HMGA2: variants seen among roughly 807,000 people sequenced by gnomAD.
HMGA2 encodes high mobility group protein HMGI-C.
A neutral mutation model predicts 19.1 loss-of-function variants in HMGA2; 8 were observed. That is an observed-to-expected ratio of 0.42 (90% CI 0.25 to 0.76). The LOEUF is 0.76. Ranked by LOEUF, HMGA2 falls within the 30% of genes least tolerant of loss-of-function variation. The probability of loss-of-function intolerance (pLI) is 0.28; values close to 1 mark genes in which losing one functional copy is unlikely to be tolerated. For missense variants in HMGA2, 109 were observed against 136.3 expected (o/e 0.80, Z 1.00); for synonymous variants, 60 against 48.8 (o/e 1.23, Z -0.96).
intron 2 of HMGA2, among the ~76,000 whole-genome samples, chr12:65,836,915 G>T (rs941657511): frequency 2.6e-5 from 4 of 152,148 alleles, no homozygotes; most frequent in African/African-American, 9.7e-5. Context: ...GGTAGCAAAT[G>T]CTTGTATACT....
intron 3 of HMGA2, among the ~76,000 whole-genome samples, chr12:65,870,655 C>T (rs766417433): frequency 2.8e-4 from 43 of 152,102 alleles, no homozygotes; most frequent in Non-Finnish European, 5.3e-4. Context: ...CTTGAACCCA[C>T]GAGGTTGAGG....
chr12:65,848,029 G>A (rs1387872029), intron 3 of HMGA2, among the ~76,000 whole-genome samples: 1 of 152,088 alleles, frequency 6.6e-6, no homozygotes, highest in Non-Finnish European at 1.5e-5. Context: ...TAATAATTTT[G>A]AATTCCATCT....
chr12:65,880,219 G>A (rs537107113), intron 3 of HMGA2, among the ~76,000 whole-genome samples: 2 of 152,290 alleles, frequency 1.3e-5, no homozygotes, highest in South Asian at 2.1e-4. Flanking sequence ...CACTTTGAAA[G>A]CATTTCAGGT....
intron 3 of HMGA2, among the ~76,000 whole-genome samples, chr12:65,909,785 CAT>C (rs1874764585): frequency 6.6e-6 from 1 of 152,128 alleles, no homozygotes; most frequent in Non-Finnish European, 1.5e-5. Flanking sequence ...ATCCATTGAA[CAT>C]AGTTTTATAC....
At chr12:65,862,651 C>T (rs1387014742) in intron 3 of HMGA2, among the ~76,000 whole-genome samples, 1 of 152,126 alleles carries the variant, frequency 6.6e-6, no homozygotes, top group African/African-American at 2.4e-5. Context: ...TGGTGGATGA[C>T]CATGCAACTC....
intron 3 of HMGA2, chr12:65,843,085 A>G (rs1871072153): frequency 8.5e-6 from 2 of 234,022 alleles, no homozygotes; most frequent in East Asian, 1.3e-4. Context: ...CAACAGAAGA[A>G]AAATATTTCC....
intron 3 of HMGA2, among the ~76,000 whole-genome samples, chr12:65,939,714 G>A (rs1397873858): frequency 6.6e-6 from 1 of 152,158 alleles, no homozygotes; most frequent in African/African-American, 2.4e-5. Context: ...TGTATCATAA[G>A]TAAAAAATAA....
At chr12:65,940,167 T>C (rs1876044417) in intron 3 of HMGA2, among the ~76,000 whole-genome samples, 1 of 152,146 alleles carries the variant, frequency 6.6e-6, no homozygotes, top group African/African-American at 2.4e-5. Flanking sequence ...TTAGCCTTCA[T>C]AGCCTTAACT....
intron 3 of HMGA2, among the ~76,000 whole-genome samples, chr12:65,868,908 G>A (rs1397577617): frequency 1.3e-5 from 2 of 152,192 alleles, no homozygotes; most frequent in African/African-American, 4.8e-5. Context: ...AACCCCAAAT[G>A]TAGACAAGGT....
intron 3 of HMGA2, among the ~76,000 whole-genome samples, chr12:65,888,432 G>A (rs1873751277): frequency 6.6e-6 from 1 of 150,534 alleles, no homozygotes; most frequent in Non-Finnish European, 1.5e-5. Context: ...TCCAGCCTGG[G>A]CGGCAGAGTG....
intron 3 of HMGA2, chr12:65,881,743 T>C (rs1189016914): frequency 4.3e-6 from 3 of 703,068 alleles, no homozygotes; most frequent in Non-Finnish European, 7.8e-6. Context: ...TCCCTCCCAG[T>C]GGTTGCTAAT....
At chr12:65,916,232 G>C (rs1017636094) in intron 3 of HMGA2, among the ~76,000 whole-genome samples, 3 of 152,128 alleles carry the variant, frequency 2.0e-5, no homozygotes, top group Admixed American at 2.0e-4. Context: ...TTCAGTAACT[G>C]ATAGGTATTC....
intron 3 of HMGA2, among the ~76,000 whole-genome samples, chr12:65,912,148 A>G (rs2121214662): frequency 6.6e-6 from 1 of 152,300 alleles, no homozygotes; most frequent in East Asian, 1.9e-4. Context: ...AACCCTTACC[A>G]TACTTCACAG....
chr12:65,944,274 T>C (rs1413519915), intron 3 of HMGA2, among the ~76,000 whole-genome samples: 1 of 152,256 alleles, frequency 6.6e-6, no homozygotes, highest in Non-Finnish European at 1.5e-5. Context: ...GTTTTCATTC[T>C]AGACCTTCCT....
chr12:65,856,794 A>T (rs945027921), intron 3 of HMGA2: 3 of 152,196 alleles, frequency 2.0e-5, no homozygotes, highest in Non-Finnish European at 2.9e-5. Context: ...GCATTGCTCC[A>T]TTCTCTGCCT....
At chr12:65,898,904 C>T (rs1029524628) in intron 3 of HMGA2, among the ~76,000 whole-genome samples, 5 of 151,918 alleles carry the variant, frequency 3.3e-5, no homozygotes, top group East Asian at 1.9e-4. Flanking sequence ...ATTAGCCGGG[C>T]GTGGTGGCGG....
chr12:65,884,891 G>A (rs1381151483), intron 3 of HMGA2, among the ~76,000 whole-genome samples: 2 of 152,190 alleles, frequency 1.3e-5, no homozygotes, highest in Non-Finnish European at 2.9e-5. Flanking sequence ...AGCTAATTAT[G>A]TAAAGTGCTT....
Position 65,881,643 on chromosome 12 carries a change from G to A in HMGA2, c.249+43074G>A, listed in dbSNP as rs1248047593. On this transcript the variant is annotated intron_variant, in intron 3 of 4. Transcript: ENST00000403681. ...GGGAGCGAAGGAGGGAGGGAGGGAG[G>A]GAGGGAGAAAGAGAGAGAGAGAGGG... 9.1e-6 allele frequency: 6 copies of A among 658,800 alleles called. 1 individual carries two copies. The highest frequency in any genetic ancestry group is 5.1e-5 in the South Asian group (3 of 58,840). The allele number at this position is 658,800 out of a possible 1,614,324, so 40.8% of individuals were successfully genotyped here. A position where few individuals can be genotyped will look rare whatever the true frequency, so the allele number is the denominator to read the frequency against.
intron 3 of HMGA2, among the ~76,000 whole-genome samples, chr12:65,916,963 T>C (rs997099451): frequency 3.9e-5 from 6 of 152,170 alleles, no homozygotes; most frequent in South Asian, 2.1e-4. Context: ...TTGACACGTT[T>C]GTTTTAGATG....
Sources: gnomAD v4.1 joint callset for allele counts (sites outside exome capture counted in the v4.1 genomes callset) on GRCh38, gnomAD v4.1.1 for gene constraint, MANE v1.5 for transcripts, NCBI Gene and HGNC (gene_info 2026-07-23, HGNC 2026-07-21) for gene names.